MORC1: variants seen among roughly 807,000 people sequenced by gnomAD.
The protein encoded by MORC1 is MORC family CW-type zinc finger 1.
Under a neutral mutation model 134.9 loss-of-function variants are expected in MORC1, and 59 were observed. The observed-to-expected ratio is 0.44, with a 90% CI of 0.35 to 0.54. MORC1 has a LOEUF of 0.54. Among genes scored for constraint, MORC1 ranks in the 20% least tolerant of loss-of-function variants. The probability of loss-of-function intolerance (pLI) is 0.00; values close to 1 mark genes in which losing one functional copy is unlikely to be tolerated. For missense variants in MORC1, 947 were observed against 1,134.5 expected, an observed-to-expected ratio of 0.83 and a Z score of 2.37; for synonymous variants, 395 against 391.7, an observed-to-expected ratio of 1.01 and a Z score of -0.10.
chr3:109,100,592 C>G, intron 4 of MORC1, 85 bp from the exon 5 acceptor site: 1 of 995,528 alleles, frequency 1.0e-6, no homozygotes. Context: ...TCACATTCCT[C>G]AGAACATCAG....
At chr3:109,067,642 C>G (rs1014598226) in intron 9 of MORC1, among the ~76,000 whole-genome samples, 4 of 152,148 alleles carry the variant, frequency 2.6e-5, no homozygotes, top group Admixed American at 6.5e-5. Context: ...CCAGGAGACA[C>G]TTGGCGCTTC....
chr3:109,029,100 C>A (rs1949170268), intron 16 of MORC1, among the ~76,000 whole-genome samples: 1 of 152,166 alleles, frequency 6.6e-6, no homozygotes, highest in Non-Finnish European at 1.5e-5. Flanking sequence ...TTCTTCAGGG[C>A]TGCAGCATAT....
At chr3:109,108,716 T>G (rs1951092205) in intron 3 of MORC1, among the ~76,000 whole-genome samples, 2 of 151,806 alleles carry the variant, frequency 1.3e-5, no homozygotes, top group Admixed American at 6.6e-5. Flanking sequence ...GCTAACATGG[T>G]GAAACCCCGG....
Position 109,059,885 on chromosome 3 carries a change from T to C in MORC1, c.967-15A>G, listed in dbSNP as rs1222373586. Reference sequence around the variant, plus strand: ...TGTAATACATCCTGGAGAAATGCATTGGTTGGGAGAGAACATAATGCCACT... The same window carrying C: ...TGTAATACATCCTGGAGAAATGCATCGGTTGGGAGAGAACATAATGCCACT... On this transcript the variant is annotated splice_polypyrimidine_tract_variant and intron_variant, in intron 11 of 27. Coordinates refer to ENST00000232603, the MANE Select transcript of MORC1 (RefSeq NM_014429.4). The C allele has an allele frequency of 6.2e-7, 1 of 1,604,648 alleles. No individual in the cohort carries two copies. Among genetic ancestry groups the C allele is most frequent in the Non-Finnish European group, 8.5e-7 (1 of 1,175,726 alleles).
At chr3:108,969,521 C>T (rs1947314902) in intron 26 of MORC1, 148 bp downstream of exon 26, 5 of 716,048 alleles carry the variant, frequency 7.0e-6, no homozygotes, top group Non-Finnish European at 9.4e-6. Flanking sequence ...CTTTATGACA[C>T]CTGATAAGCT....
intron 16 of MORC1, among the ~76,000 whole-genome samples, chr3:109,029,578 A>G (rs1949186452): frequency 6.6e-6 from 1 of 152,194 alleles, no homozygotes; most frequent in South Asian, 2.1e-4. Context: ...CCTATTTTCA[A>G]TGCAGATAAG....
intron 12 of MORC1, among the ~76,000 whole-genome samples, chr3:109,058,078 T>C (rs1416532324): frequency 6.6e-6 from 1 of 152,112 alleles, no homozygotes; most frequent in Non-Finnish European, 1.5e-5. Flanking sequence ...AAGTGTAAAA[T>C]AGAAATTGAG....
chr3:109,004,493 AT>A (rs1948490041), intron 20 of MORC1, among the ~76,000 whole-genome samples: 1 of 152,168 alleles, frequency 6.6e-6, no homozygotes, highest in Non-Finnish European at 1.5e-5. Flanking sequence ...TATAAGCTGA[AT>A]CTGAGGGCAA....
chr3:108,996,286 G>GCGCGCGCACACACACACA, intron 21 of MORC1, among the ~76,000 whole-genome samples: 506 of 146,466 alleles, frequency 3.5e-3, no homozygotes, highest in African/African-American at 4.9e-3. Context: ...GCGCGCGCGC[G>GCGCGCGCACACACACACA]CACACACACA....
chr3:108,980,322 C>T (rs1020427117), intron 23 of MORC1, among the ~76,000 whole-genome samples: 7 of 152,120 alleles, frequency 4.6e-5, no homozygotes, highest in African/African-American at 9.7e-5. Context: ...AGTTGATTTA[C>T]AATCCAAAGT....
chr3:109,116,708 A>G (rs1280592689), intron 1 of MORC1, among the ~76,000 whole-genome samples: 1 of 152,208 alleles, frequency 6.6e-6, no homozygotes, highest in African/African-American at 2.4e-5. Context: ...TGAGCCCTGG[A>G]GTTCAAGGCT....
At chr3:109,019,092 A>C (rs35534473) in intron 17 of MORC1, 18,097 of 152,202 alleles carry the variant, frequency 0.12, 1,157 homozygotes, top group Non-Finnish European at 0.14. Flanking sequence ...TGACCTATAG[A>C]CATGATCCCT....
intron 2 of MORC1, among the ~76,000 whole-genome samples, chr3:109,113,242 C>T (rs1951204847): frequency 6.6e-6 from 1 of 152,132 alleles, no homozygotes; most frequent in Non-Finnish European, 1.5e-5. Flanking sequence ...TGGCTTCATC[C>T]TTATTAGCTC....
chr3:109,020,729 C>T (rs1948937939), intron 17 of MORC1, among the ~76,000 whole-genome samples: 1 of 141,652 alleles, frequency 7.1e-6, no homozygotes, highest in African/African-American at 2.7e-5. Flanking sequence ...TGCGTCACTG[C>T]ACTCCAGCCT....
At chr3:109,030,777 T>C (rs1576652784) in intron 16 of MORC1, among the ~76,000 whole-genome samples, 1 of 152,318 alleles carries the variant, frequency 6.6e-6, no homozygotes, top group East Asian at 1.9e-4. Flanking sequence ...TTGTATTTGA[T>C]AGCGCAAGGT....
At position 109,007,122 on chromosome 3, in the gene MORC1, T is replaced by C. The variant is rs149156257; in HGVS notation, c.1705-31A>G. 1,302 of 1,573,332 alleles carry C rather than the reference T, an allele frequency of 8.3e-4. 3 individuals carry two copies. The highest frequency in any genetic ancestry group is 1.0e-3 in the Non-Finnish European group (1,197 of 1,152,846). On this transcript the variant is annotated intron_variant, in intron 17 of 27. Coordinates refer to ENST00000232603, the MANE Select transcript of MORC1 (RefSeq NM_014429.4). ...TGGGAAAGCAAACCATTAAGGCAAA[T>C]GTAAGTAAAAATAAGCTTCAACTGG... is the stretch of plus-strand genomic sequence containing the variant.
intron 27 of MORC1, among the ~76,000 whole-genome samples, chr3:108,961,735 G>A (rs1947086112): frequency 6.6e-6 from 1 of 152,214 alleles, no homozygotes; most frequent in South Asian, 2.1e-4. Flanking sequence ...ACCAAACTTT[G>A]TGAATACAGC....
chr3:109,004,242 T>C (rs142947559), intron 20 of MORC1, among the ~76,000 whole-genome samples: 5 of 152,226 alleles, frequency 3.3e-5, no homozygotes, highest in Admixed American at 2.0e-4. Flanking sequence ...TCAGAGCCTA[T>C]AGCAGTTCAT....
At chr3:109,116,660 G>A (rs976648887) in intron 1 of MORC1, among the ~76,000 whole-genome samples, 6 of 152,102 alleles carry the variant, frequency 3.9e-5, no homozygotes, top group Non-Finnish European at 7.4e-5. Context: ...CATGCGTGTA[G>A]TCCCAGCTAC....
Sources: allele counts gnomAD v4.1 joint callset (sites outside exome capture counted in the v4.1 genomes callset), GRCh38; gene constraint gnomAD v4.1.1; transcripts MANE v1.5; gene names NCBI Gene and HGNC (gene_info 2026-07-23, HGNC 2026-07-21).